Variants in MAST4 observed in about 807,000 individuals in gnomAD.
The protein encoded by MAST4 is microtubule associated serine/threonine kinase family member 4.
MAST4 carries 89 observed loss-of-function variants against 162.7 expected under a neutral mutation model. That is an observed-to-expected ratio of 0.55 (90% CI 0.46 to 0.65). The LOEUF (loss-of-function observed/expected upper bound fraction) is 0.65, where lower values mean the gene tolerates loss of function less well. Among genes scored for constraint, MAST4 ranks in the 30% least tolerant of loss-of-function variants. The pLI is 0.00. For missense variants in MAST4, 3,153 were observed against 3,374.0 expected, an observed-to-expected ratio of 0.93 and a Z score of 1.62; for synonymous variants, 1,479 against 1,361.1, an observed-to-expected ratio of 1.09 and a Z score of -1.91.
chr5:67,015,499 T>C (rs1753177408), intron 4 of MAST4, among the ~76,000 whole-genome samples: 1 of 152,214 alleles, frequency 6.6e-6, no homozygotes, highest in Non-Finnish European at 1.5e-5. Context: ...ATCTTAAGTA[T>C]ATGTTAAGGC....
chr5:66,866,081 A>AAT, intron 3 of MAST4, among the ~76,000 whole-genome samples: 1 of 151,828 alleles, frequency 6.6e-6, no homozygotes, highest in Admixed American at 6.6e-5. Flanking sequence ...TCTCAAAAAA[A>AAT]AAAAAAAAAA....
chr5:67,021,949 T>A (rs967509976), intron 4 of MAST4, among the ~76,000 whole-genome samples: 2 of 152,172 alleles, frequency 1.3e-5, no homozygotes, highest in African/African-American at 4.8e-5. Flanking sequence ...TACCCAAAAT[T>A]TTGTAAAGTT....
At chr5:66,885,009 G>T (rs1447428763) in intron 3 of MAST4, among the ~76,000 whole-genome samples, 1 of 152,194 alleles carries the variant, frequency 6.6e-6, no homozygotes, top group Admixed American at 6.5e-5. Flanking sequence ...TGCTTCGACG[G>T]AGTGTTATGC....
At chr5:67,026,340 C>G (rs895619765) in intron 4 of MAST4, among the ~76,000 whole-genome samples, 2 of 152,218 alleles carry the variant, frequency 1.3e-5, no homozygotes, top group Non-Finnish European at 2.9e-5. Context: ...ACAACAGCAT[C>G]TCACAACAGT....
At chr5:66,648,385 G>C (rs1746002976) in intron 1 of MAST4, among the ~76,000 whole-genome samples, 5 of 152,094 alleles carry the variant, frequency 3.3e-5, no homozygotes, top group Admixed American at 3.3e-4. Context: ...AAGTTCGACA[G>C]AAGCAGGAAA....
rs375099939 is a variant in MAST4 at position 66,828,735 on chromosome 5, C to T, written c.642+39941C>T. The stretch of plus-strand genomic sequence containing the variant: ...GACTCCGGGCTCCAATCAGCTAGAG[C>T]GTGATGTAAGTGTTTAGCAGCTGCC... On this transcript the variant is annotated intron_variant, in intron 3 of 28. Coordinates refer to ENST00000403625, the MANE Select transcript of MAST4 (RefSeq NM_001164664.2). 8.2e-5 allele frequency: 123 copies of T among 1,495,880 alleles called. No individual in the cohort carries two copies. In the East Asian group the frequency reaches 1.2e-3, roughly 14 times the overall value. 92.7% of individuals were successfully genotyped at this position (1,495,880 alleles called of 1,614,324 possible). A position where few individuals can be genotyped will look rare whatever the true frequency, so the allele number is the denominator to read the frequency against.
In MAST4 at chr5:66,789,988, A is replaced by ATTTTTTTTTTTTTTTTTTTTT. The variant is rs57743987; in HGVS notation, c.642+1204_642+1224dup. 1.3e-4 allele frequency among the ~76,000 whole-genome samples: 7 copies of ATTTTTTTTTTTTTTTTTTTTT among 52,472 alleles called. 1 individual carries two copies. The highest frequency in any genetic ancestry group is 3.4e-4 in the African/African-American group (3 of 8,748). The allele number at this position is 52,472 out of a possible 152,430, so 34.4% of individuals were successfully genotyped here. ...CTTTATGTTTAACATGCTTATTAGA[A>ATTTTTTTTTTTTTTTTTTTTT]TTTTTTTTTTTTTTTTTTTTTTTTT... On this transcript the variant is annotated intron_variant, in intron 3 of 28. Coordinates refer to ENST00000403625, the MANE Select transcript of MAST4 (RefSeq NM_001164664.2).
chr5:66,606,923 C>T (rs924139335), intron 1 of MAST4, among the ~76,000 whole-genome samples: 8 of 151,542 alleles, frequency 5.3e-5, no homozygotes, highest in Admixed American at 1.3e-4. Flanking sequence ...TGAATTTACT[C>T]ATTTAAATAT....
intron 3 of MAST4, among the ~76,000 whole-genome samples, chr5:66,893,879 T>G (rs1318122491): frequency 6.6e-6 from 1 of 152,200 alleles, no homozygotes; most frequent in Non-Finnish European, 1.5e-5. Context: ...AAGATCTGGT[T>G]CTATGGTATG....
chr5:66,893,778 A>T (rs566664374), intron 3 of MAST4, among the ~76,000 whole-genome samples: 1 of 152,344 alleles, frequency 6.6e-6, no homozygotes, highest in African/African-American at 2.4e-5. Flanking sequence ...TTAGGAAAGC[A>T]TGTATTTATG....
At chr5:66,840,479 A>C (rs1388982755) in intron 3 of MAST4, among the ~76,000 whole-genome samples, 1 of 152,164 alleles carries the variant, frequency 6.6e-6, no homozygotes, top group Non-Finnish European at 1.5e-5. Context: ...TATGGTTACT[A>C]TGAATCAAAC....
intron 4 of MAST4, among the ~76,000 whole-genome samples, chr5:66,919,820 A>C (rs778219834): frequency 6.6e-6 from 1 of 152,148 alleles, no homozygotes; most frequent in African/African-American, 2.4e-5. Context: ...ACTGGATGTC[A>C]TGATTGAAAT....
chr5:66,712,866 T>C (rs1244244244), intron 1 of MAST4, among the ~76,000 whole-genome samples: 2 of 152,260 alleles, frequency 1.3e-5, no homozygotes, highest in African/African-American at 4.8e-5. Flanking sequence ...GGTTTTGTTT[T>C]AGTGAAACCT....
intron 6 of MAST4, among the ~76,000 whole-genome samples, chr5:67,092,464 G>A (rs991758167): frequency 2.6e-5 from 4 of 152,164 alleles, no homozygotes; most frequent in African/African-American, 7.2e-5. Context: ...GAGAACCATA[G>A]TATAGATTTT....
chr5:66,941,970 G>T (rs1431739193), intron 4 of MAST4, among the ~76,000 whole-genome samples: 1 of 152,090 alleles, frequency 6.6e-6, no homozygotes, highest in Non-Finnish European at 1.5e-5. Context: ...TGTCTTATAT[G>T]ACACTGTTTG....
intron 26 of MAST4, among the ~76,000 whole-genome samples, chr5:67,159,473 T>TC (rs1772936653): frequency 6.6e-6 from 1 of 151,970 alleles, no homozygotes; most frequent in African/African-American, 2.4e-5. Context: ...CATACCTAAC[T>TC]CCCCCCAACT....
chr5:66,863,467 C>G (rs1760259372), intron 3 of MAST4, among the ~76,000 whole-genome samples: 1 of 152,204 alleles, frequency 6.6e-6, no homozygotes, highest in Non-Finnish European at 1.5e-5. Flanking sequence ...TCGGTCTGAC[C>G]TCCAGATCCC....
rs568636266 is a variant in MAST4, at chr5:66,787,521, C to T, written c.518-1149C>T. Reference sequence around the variant, plus strand: ...GTGCTTTGACAGTGCTGGTAGTTAGCGTGTGCAGTAATGGTAAACTAGTTA... The same window carrying T: ...GTGCTTTGACAGTGCTGGTAGTTAGTGTGTGCAGTAATGGTAAACTAGTTA... On this transcript the variant is annotated intron_variant, in intron 2 of 28. Transcript: ENST00000403625. 7.2e-5 allele frequency among the ~76,000 whole-genome samples: 11 copies of T among 152,314 alleles called. No individual in the cohort carries two copies. The South Asian group carries it at 1.9e-3, about 26-fold the overall frequency.
chr5:67,077,255 C>T (rs1200626706), intron 5 of MAST4, among the ~76,000 whole-genome samples: 1 of 152,184 alleles, frequency 6.6e-6, no homozygotes, highest in Non-Finnish European at 1.5e-5. Context: ...CTGGAGTCAC[C>T]TGGGAAGCTT....
Sources: allele counts gnomAD v4.1 joint callset (sites outside exome capture counted in the v4.1 genomes callset), GRCh38; gene constraint gnomAD v4.1.1; transcripts MANE v1.5; gene names NCBI Gene and HGNC (gene_info 2026-07-23, HGNC 2026-07-21).